The following ADCY8 variants were observed in gnomAD, a reference collection of about 807,000 sequenced individuals.
ADCY8 encodes the protein adenylate cyclase type 8.
A neutral mutation model predicts 119.7 loss-of-function variants in ADCY8; 51 were observed. The observed-to-expected ratio is 0.43, with a 90% CI of 0.34 to 0.54. The LOEUF is 0.54. ADCY8 is among the 20% of genes least tolerant of loss of function. The probability of loss-of-function intolerance (pLI) is 0.03; values close to 1 mark genes in which losing one functional copy is unlikely to be tolerated. For missense variants in ADCY8, 1,383 were observed against 1,598.8 expected, an observed-to-expected ratio of 0.87 and a Z score of 2.30; for synonymous variants, 665 against 651.0, an observed-to-expected ratio of 1.02 and a Z score of -0.33.
intron 6 of ADCY8, 114 bp downstream of exon 6, chr8:130,909,594 T>C: frequency 7.8e-7 from 1 of 1,286,816 alleles, no homozygotes; most frequent in Non-Finnish European, 1.1e-6. Context: ...CTGGTCTCCT[T>C]CCAAATAATT....
intron 15 of ADCY8, among the ~76,000 whole-genome samples, chr8:130,789,941 T>C (rs1256151436): frequency 6.6e-6 from 1 of 152,054 alleles, no homozygotes; most frequent in Admixed American, 6.5e-5. Flanking sequence ...CATGCGTGAG[T>C]CAGAGAAGCA....
intron 9 of ADCY8, among the ~76,000 whole-genome samples, chr8:130,862,660 G>A (rs367738293): frequency 5.9e-5 from 9 of 152,084 alleles, no homozygotes; most frequent in Admixed American, 5.9e-4. Flanking sequence ...TGATCTGCCC[G>A]CCTCGGCCTC....
At chr8:131,038,527 G>A (rs1193050423) in intron 1 of ADCY8, among the ~76,000 whole-genome samples, 1 of 152,036 alleles carries the variant, frequency 6.6e-6, no homozygotes, top group Non-Finnish European at 1.5e-5. Context: ...CTCATCCATA[G>A]ACAATGTGAA....
At chr8:130,960,102 C>T (rs1161936570) in intron 2 of ADCY8, among the ~76,000 whole-genome samples, 3 of 151,994 alleles carry the variant, frequency 2.0e-5, no homozygotes, top group Admixed American at 6.6e-5. Flanking sequence ...GAAACTTAGA[C>T]CAAATTCATG....
intron 12 of ADCY8, among the ~76,000 whole-genome samples, chr8:130,828,441 C>T (rs1489346548): frequency 3.3e-5 from 5 of 151,930 alleles, no homozygotes; most frequent in African/African-American, 9.7e-5. Context: ...ATTTCCAGGT[C>T]TCTCTCTGCC....
chr8:130,795,537 A>G (rs1456821091), intron 15 of ADCY8, among the ~76,000 whole-genome samples: 2 of 152,210 alleles, frequency 1.3e-5, no homozygotes, highest in Non-Finnish European at 2.9e-5. Flanking sequence ...CACTCTTGGC[A>G]GATATTTAGA....
chr8:130,951,918 G>C lies in ADCY8; in HGVS notation c.1191C>G (p.His397Gln). ...INDMTNVEDEHLQHQFHRIYI... is the reference protein window; with the variant it reads ...INDMTNVEDEQLQHQFHRIYI... ...AGATCCGATGGAACTGGTGCTGCAGGTGCTCATCTTCCACATTGGTCATGT... is the reference window on the plus strand; with the variant it reads ...AGATCCGATGGAACTGGTGCTGCAGCTGCTCATCTTCCACATTGGTCATGT... The change falls in exon 3 of 18, where the codon CAC (histidine) becomes CAG (glutamine). Residue 397 changes from histidine to glutamine, a missense_variant. His to Gln is a conservative substitution (Grantham distance 24). Around this residue, in one of 2 missense-constraint regions of ADCY8, gnomAD observed 928 missense variants for 1,163.5 expected, o/e 0.80. Transcript: ENST00000286355. The C allele has an allele frequency of 6.2e-7, 1 of 1,614,064 alleles. No homozygotes were observed. The highest frequency in any genetic ancestry group is 8.5e-7 in the Non-Finnish European group (1 of 1,180,020).
intron 1 of ADCY8, among the ~76,000 whole-genome samples, chr8:130,995,790 C>A (rs1822755152): frequency 6.6e-6 from 1 of 152,126 alleles, no homozygotes; most frequent in Non-Finnish European, 1.5e-5. Context: ...TTCCTGCACC[C>A]TGTGAATTTA....
intron 2 of ADCY8, among the ~76,000 whole-genome samples, chr8:130,971,197 T>C (rs949177520): frequency 6.6e-6 from 1 of 152,222 alleles, no homozygotes; most frequent in Non-Finnish European, 1.5e-5. Context: ...TGTTAATTAT[T>C]GTATGTTAAT....
intron 12 of ADCY8, 72 bp downstream of exon 12, chr8:130,836,205 A>G: frequency 1.4e-6 from 2 of 1,478,176 alleles, no homozygotes; most frequent in Non-Finnish European, 1.8e-6. Flanking sequence ...TGCAGCGGGC[A>G]TCATTTTCCC....
At chr8:130,802,360 C>T (rs1449461923) in intron 14 of ADCY8, among the ~76,000 whole-genome samples, 3 of 152,302 alleles carry the variant, frequency 2.0e-5, no homozygotes, top group African/African-American at 7.2e-5. Context: ...TTTTAAAAAT[C>T]GGGCTCTTCC....
intron 7 of ADCY8, among the ~76,000 whole-genome samples, chr8:130,891,000 G>A (rs6470859): frequency 0.46 from 69,487 of 152,070 alleles, 17,892 homozygotes; most frequent in East Asian, 0.62. Flanking sequence ...GCACAGCTGT[G>A]CAGCTTCTGT....
chr8:130,903,758 A>G lies in ADCY8; in HGVS notation c.1911+14T>C. On this transcript the variant is annotated intron_variant, in intron 7 of 17. Coordinates refer to ENST00000286355, the MANE Select transcript of ADCY8 (RefSeq NM_001115.3). ...GCATTCATGGCCAAGCAGAAGGAGG[A>G]AGAGAGGACTTACATTCTGTTTCCC... The G allele has an allele frequency of 6.2e-7, 1 of 1,610,650 alleles. No homozygotes were observed. The highest frequency in any genetic ancestry group is 8.5e-7 in the Non-Finnish European group (1 of 1,179,146).
At chr8:130,971,637 G>C (rs1044479675) in intron 2 of ADCY8, among the ~76,000 whole-genome samples, 1 of 152,152 alleles carries the variant, frequency 6.6e-6, no homozygotes, top group Non-Finnish European at 1.5e-5. Context: ...GTGATGGATG[G>C]AAGGTTAAAG....
chr8:130,846,054 C>A (rs539558273), intron 11 of ADCY8, among the ~76,000 whole-genome samples: 1 of 152,044 alleles, frequency 6.6e-6, no homozygotes, highest in Non-Finnish European at 1.5e-5. Context: ...TGCAAATGGA[C>A]GGACGGAGAG....
chr8:130,790,339 A>G (rs529878860), intron 15 of ADCY8, among the ~76,000 whole-genome samples: 2 of 152,256 alleles, frequency 1.3e-5, no homozygotes, highest in South Asian at 4.2e-4. Flanking sequence ...AGGAGGGTGA[A>G]ACGTCAAAGC....
intron 11 of ADCY8, among the ~76,000 whole-genome samples, chr8:130,838,137 C>G (rs973464542): frequency 6.6e-6 from 1 of 152,154 alleles, no homozygotes; most frequent in African/African-American, 2.4e-5. Context: ...GCCTAGCTGG[C>G]TAATTTATGC....
At chr8:130,890,223 G>T (rs1819138244) in intron 7 of ADCY8, among the ~76,000 whole-genome samples, 1 of 136,138 alleles carries the variant, frequency 7.3e-6, no homozygotes, top group Non-Finnish European at 1.6e-5. Flanking sequence ...AGTGGGGAGG[G>T]ATAGCATTTG....
intron 2 of ADCY8, among the ~76,000 whole-genome samples, chr8:130,968,174 CTT>C (rs113345725): frequency 2.6e-4 from 37 of 142,674 alleles, no homozygotes; most frequent in Admixed American, 3.5e-4. Context: ...AGTTATTCTG[CTT>C]TTTTTTTTTT....
Sources: allele counts gnomAD v4.1 joint callset (sites outside exome capture counted in the v4.1 genomes callset), GRCh38; gene constraint gnomAD v4.1.1; regional missense constraint gnomAD v4.1.1; transcripts MANE v1.5; gene names NCBI Gene and HGNC (gene_info 2026-07-23, HGNC 2026-07-21).